The following CUTC variants were observed in gnomAD, a reference collection of about 807,000 sequenced individuals.
CUTC encodes the protein copper homeostasis protein cutC homolog.
A neutral mutation model predicts 36.2 loss-of-function variants in CUTC; 27 were observed. That is an observed-to-expected ratio of 0.75 (90% CI 0.55 to 1.03). The LOEUF is 1.03. Among genes scored for constraint, CUTC ranks in the 50% least tolerant of loss-of-function variants. The pLI is 0.00. For missense variants in CUTC, 315 were observed against 343.5 expected (o/e 0.92, Z 0.66); for synonymous variants, 114 against 118.3 (o/e 0.96, Z 0.24).
intron 3 of CUTC, among the ~76,000 whole-genome samples, chr10:99,740,522 T>G (rs1344165481): frequency 2.0e-5 from 3 of 152,128 alleles, no homozygotes; most frequent in African/African-American, 7.2e-5. Flanking sequence ...TTTGTTTTTC[T>G]CTATGTAATA....
chr10:99,742,036 A>T (rs2037345355), intron 3 of CUTC, among the ~76,000 whole-genome samples: 1 of 152,126 alleles, frequency 6.6e-6, no homozygotes, highest in South Asian at 2.1e-4. Flanking sequence ...TTTTGGCTCC[A>T]TGTGGGTCCC....
chr10:99,750,330 GAT>G (rs777932512), intron 6 of CUTC, 37 bp from the exon 7 acceptor site: 1 of 1,487,194 alleles, frequency 6.7e-7, no homozygotes, highest in Non-Finnish European at 9.1e-7. Context: ...TCAAGAGAAA[GAT>G]ATTAAAATTC....
intron 7 of CUTC, among the ~76,000 whole-genome samples, chr10:99,751,939 GT>G (rs1161286432): frequency 4.6e-5 from 7 of 152,176 alleles, no homozygotes. Context: ...TCATGATATT[GT>G]TTAGCTTGTT....
At position 99,754,480 on chromosome 10, in the gene CUTC, T is replaced by G. The variant is rs754228726; in HGVS notation, c.602-49T>G. ...AGCAGTCGTTACTATTCCTTAAATT[T>G]TATGCAAAATTCTATTTTACTTAAT... On this transcript the variant is annotated intron_variant, in intron 7 of 8. Transcript: ENST00000370476. 6 of 1,261,600 alleles carry G rather than the reference T, an allele frequency of 4.8e-6. No homozygotes were observed. In the South Asian group the frequency reaches 5.0e-5, roughly 11 times the overall value. The allele number at this position is 1,261,600 out of a possible 1,614,324, so 78.2% of individuals were successfully genotyped here.
At chr10:99,733,176 G>T (rs1163456601) in intron 1 of CUTC, among the ~76,000 whole-genome samples, 1 of 152,150 alleles carries the variant, frequency 6.6e-6, no homozygotes, top group African/African-American at 2.4e-5. Flanking sequence ...GGGCATGGTG[G>T]CAGGCGCCTG....
rs191339901 is a variant in CUTC, at chr10:99,732,639, C to T, written c.61+230C>T. 465 of 1,416,068 alleles carry T rather than the reference C, an allele frequency of 3.3e-4. 1 individual carries two copies. In the African/African-American group the frequency reaches 6.0e-3, roughly 18 times the overall value. 87.7% of individuals were successfully genotyped at this position (1,416,068 alleles called of 1,614,324 possible). ...GGAGCCAAGGTTCGAGTCCCGGGGT[C>T]CCCTCATAACGGCCCTGCGACCTTG... On this transcript the variant is annotated intron_variant, in intron 1 of 8. Transcript: ENST00000370476.
chr10:99,747,215 G>A (rs1327763358), intron 5 of CUTC, 42 bp from the exon 6 acceptor site: 1 of 1,609,004 alleles, frequency 6.2e-7, no homozygotes, highest in Admixed American at 1.7e-5. Flanking sequence ...CTCTGCGTTA[G>A]AGATACCTGT....
At chr10:99,742,899 C>A (rs978554) in intron 3 of CUTC, among the ~76,000 whole-genome samples, 147,233 of 152,298 alleles carry the variant, frequency 0.97, 71,352 homozygotes, top group East Asian at 1. Context: ...CAAATGTCAC[C>A]TACCAATAAA....
chr10:99,751,019 T>C (rs1236872519), intron 7 of CUTC, among the ~76,000 whole-genome samples: 6 of 152,224 alleles, frequency 3.9e-5, no homozygotes, highest in African/African-American at 1.4e-4. Context: ...TCTTAATTTT[T>C]TTAATTAAGT....
chr10:99,745,313 T>C (rs563616567), intron 5 of CUTC, among the ~76,000 whole-genome samples: 14 of 152,346 alleles, frequency 9.2e-5, no homozygotes, highest in African/African-American at 3.1e-4. Context: ...TATCATAATA[T>C]AGTTTTAGTG....
chr10:99,736,762 G>T (rs1481088882), intron 2 of CUTC, among the ~76,000 whole-genome samples: 4 of 151,874 alleles, frequency 2.6e-5, no homozygotes, highest in Non-Finnish European at 5.9e-5. Context: ...ATTTTATTAT[G>T]GAAAAATAAA....
chr10:99,756,041 A>T lies in CUTC; in HGVS notation c.*302A>T. On this transcript the variant is annotated 3_prime_UTR_variant, in exon 9 of 9. Transcript: ENST00000370476. ...TTAATTGATGAACTGGGAAAATTTT[A>T]ACTGCATGGTATGAATTCAGAGTGT... is the stretch of plus-strand genomic sequence containing the variant. The T allele has an allele frequency of 3.5e-6, 1 of 286,922 alleles. No individual in the cohort carries two copies. The highest frequency in any genetic ancestry group is 4.8e-5 in the Admixed American group (1 of 20,624). The allele number at this position is 286,922 out of a possible 1,614,324, so 17.8% of individuals were successfully genotyped here.
At position 99,750,527 on chromosome 10, in the gene CUTC, A is replaced by G. The variant is rs1392820406; in HGVS notation, c.601+131A>G. The G allele has an allele frequency of 5.5e-6, 3 of 542,824 alleles. No homozygotes were observed. The African/African-American group carries it at 5.9e-5, about 11-fold the overall frequency. The allele number at this position is 542,824 out of a possible 1,614,324, so 33.6% of individuals were successfully genotyped here. On this transcript the variant is annotated intron_variant, in intron 7 of 8. Transcript: ENST00000370476. ...GTACATGATCTTTAAAGAGAAGAAT[A>G]TATAGTTTGATTAAAATGTTTAAAA...
chr10:99,743,527 G>A (rs539263237), intron 4 of CUTC, among the ~76,000 whole-genome samples, 165 bp downstream of exon 4: 20 of 152,306 alleles, frequency 1.3e-4, no homozygotes, highest in African/African-American at 4.6e-4. Context: ...GGGGTGGGGT[G>A]TATGTGTGGC....
intron 1 of CUTC, among the ~76,000 whole-genome samples, chr10:99,733,054 CAA>C (rs979587341): frequency 3.9e-5 from 6 of 152,124 alleles, no homozygotes; most frequent in Non-Finnish European, 5.9e-5. Flanking sequence ...GAAATTAAAA[CAA>C]ATTTTTTTTT....
chr10:99,732,946 C>T (rs1255047912), intron 1 of CUTC, among the ~76,000 whole-genome samples: 1 of 152,186 alleles, frequency 6.6e-6, no homozygotes, highest in Non-Finnish European at 1.5e-5. Context: ...TTGGCAAGTC[C>T]CTCTTCCTCC....
chr10:99,732,468 G>A (rs1030877504), intron 1 of CUTC, 59 bp downstream of exon 1: 1 of 1,547,022 alleles, frequency 6.5e-7, no homozygotes, highest in East Asian at 2.4e-5. Flanking sequence ...GCGGGCCGGC[G>A]GGAGTCGTAG....
intron 4 of CUTC, among the ~76,000 whole-genome samples, 173 bp from the exon 5 acceptor site, chr10:99,743,864 G>A (rs879352847): frequency 6.6e-6 from 1 of 152,142 alleles, no homozygotes; most frequent in Non-Finnish European, 1.5e-5. Flanking sequence ...TCAGAGATTT[G>A]TGGAAAGATA....
In CUTC at chr10:99,754,563, C is replaced by T. The variant is rs1480635462; in HGVS notation, c.636C>T (p.Ile212=). 1.2e-6 allele frequency: 2 copies of T among 1,613,482 alleles called. No homozygotes were observed. Among genetic ancestry groups the T allele is most frequent in the South Asian group, 2.2e-5 (2 of 91,052 alleles). The change falls in exon 8 of 9, where the codon ATC becomes ATT. Residue 212 remains isoleucine, a synonymous_variant. Coordinates refer to ENST00000370476, the MANE Select transcript of CUTC (RefSeq NM_015960.3). Reference sequence around the variant, plus strand: ...TAACAGACAGAAATCTACAAAGGATCCTTGAGGGTTCAGGTGCTACAGAAT... The same window carrying T: ...TAACAGACAGAAATCTACAAAGGATTCTTGAGGGTTCAGGTGCTACAGAAT... ...GGITDRNLQR[I]LEGSGATEFH... is the part of the protein sequence containing the mutation.
Sources: allele counts gnomAD v4.1 joint callset (sites outside exome capture counted in the v4.1 genomes callset), GRCh38; gene constraint gnomAD v4.1.1; transcripts MANE v1.5; gene names NCBI Gene and HGNC (gene_info 2026-07-23, HGNC 2026-07-21).